Variants in MNX1 observed in about 807,000 individuals in gnomAD.
The protein encoded by MNX1 is motor neuron and pancreas homeobox protein 1.
A neutral mutation model predicts 17.3 loss-of-function variants in MNX1; 2 were observed. The observed-to-expected ratio is 0.12, with a 90% CI of 0.05 to 0.36. MNX1 has a LOEUF of 0.36. Among genes scored for constraint, MNX1 ranks in the 10% least tolerant of loss-of-function variants. MNX1 has a pLI of 1.00. For synonymous variants in MNX1, 306 were observed against 283.1 expected, an observed-to-expected ratio of 1.08 and a Z score of -0.81; for missense variants, 556 against 564.7, an observed-to-expected ratio of 0.98 and a Z score of 0.16.
chr7:157,009,692 C>T lies in MNX1; in HGVS notation c.659G>A (p.Gly220Asp), dbSNP rs780152258. The T allele has an allele frequency of 6.2e-7, 1 of 1,608,750 alleles. No homozygotes were observed. Among genetic ancestry groups the T allele is most frequent in the Non-Finnish European group, 8.5e-7 (1 of 1,178,972 alleles). ...LDQWLRASTA[G>D]MILPKMPDFN... ...GTCGGGCATCTTAGGCAGGATCATG[C>T]CCGCGGTGGACGCGCGCAGCCACTG... Residue 220 changes from glycine (G) to aspartate (D), a missense_variant, in exon 1 of 3, where the codon GGC becomes GAC. Physicochemically the swap from Gly to Asp is moderately conservative, Grantham distance 94 (BLOSUM62 -1). Around this residue, in one of 7 missense-constraint regions of MNX1, gnomAD observed 210 missense variants for 211.3 expected, o/e 0.99. Coordinates refer to ENST00000252971, the MANE Select transcript of MNX1 (RefSeq NM_005515.4).
At position 157,006,705 on chromosome 7, in the gene MNX1, T is replaced by C; in HGVS notation, c.692-66A>G. On this transcript the variant is annotated intron_variant, in intron 1 of 2. Coordinates refer to ENST00000252971, the MANE Select transcript of MNX1 (RefSeq NM_005515.4). The surrounding 1 kb of genome is among the most constrained non-coding windows in gnomAD (Gnocchi z 6.3). ...TCCTCGCCCCAGCCCCTCCCGTTGC[T>C]GCTTGTACCACTACACTCAAGGCCC... The C allele has an allele frequency of 6.7e-7, 1 of 1,489,568 alleles. No homozygotes were observed. The highest frequency in any genetic ancestry group is 9.0e-7 in the Non-Finnish European group (1 of 1,112,638). 92.3% of individuals were successfully genotyped at this position (1,489,568 alleles called of 1,614,324 possible). A position where few individuals can be genotyped will look rare whatever the true frequency, so the allele number is the denominator to read the frequency against.
At position 157,005,202 on chromosome 7, in the gene MNX1, C is replaced by G. The variant is rs1805567152; in HGVS notation, c.*318G>C. 1.7e-5 allele frequency: 4 copies of G among 240,304 alleles called. No individual in the cohort carries two copies. The South Asian group carries it at 7.1e-4, about 43-fold the overall frequency. 14.9% of individuals were successfully genotyped at this position (240,304 alleles called of 1,614,324 possible). A position where few individuals can be genotyped will look rare whatever the true frequency, so the allele number is the denominator to read the frequency against. ...TCCCCTTGCGCGGGGTGGGTCGGTT[C>G]TTCTCACACGCACTCGCGCCTCCCC... On this transcript the variant is annotated 3_prime_UTR_variant, in exon 3 of 3. Coordinates refer to ENST00000252971, the MANE Select transcript of MNX1 (RefSeq NM_005515.4).
chr7:157,010,072 C>A lies in MNX1; in HGVS notation c.279G>T (p.Lys93Asn). ...LLAAHCALLPKPGFLGAGGGG... is the reference protein window; with the variant it reads ...LLAAHCALLPNPGFLGAGGGG... ...CGCCGCCCGCGCCCAGGAAGCCCGG[C>A]TTGGGCAGCAGCGCGCAGTGCGCGG... The change falls in exon 1 of 3, where the codon AAG (lysine) becomes AAT (asparagine). Residue 93 changes from lysine (K) to asparagine (N), a missense_variant. Physicochemically the swap from Lys to Asn is moderately conservative, Grantham distance 94. Transcript: ENST00000252971. 1 of 996,490 alleles carries A rather than the reference C, an allele frequency of 1.0e-6. No homozygotes were observed. The allele number at this position is 996,490 out of a possible 1,614,324, so 61.7% of individuals were successfully genotyped here.
Position 157,005,395 on chromosome 7 carries a change from T to C in MNX1, c.*125A>G. On this transcript the variant is annotated 3_prime_UTR_variant, in exon 3 of 3. Coordinates refer to ENST00000252971, the MANE Select transcript of MNX1 (RefSeq NM_005515.4). Reference sequence around the variant, plus strand: ...CTCCAGCCCCGGCCTGGGCGAGGGGTCCATGGGGCGGCGGTCGAGCCTGCT... The same window carrying C: ...CTCCAGCCCCGGCCTGGGCGAGGGGCCCATGGGGCGGCGGTCGAGCCTGCT... 1.7e-6 allele frequency: 1 copy of C among 579,554 alleles called. No homozygotes were observed. Among genetic ancestry groups the C allele is most frequent in the South Asian group, 8.2e-5 (1 of 12,158 alleles). 35.9% of individuals were successfully genotyped at this position (579,554 alleles called of 1,614,324 possible). A position where few individuals can be genotyped will look rare whatever the true frequency, so the allele number is the denominator to read the frequency against.
At chr7:157,009,133 A>T (rs1315223208) in intron 1 of MNX1, 1 of 1,530,338 alleles carries the variant, frequency 6.5e-7, no homozygotes, top group African/African-American at 1.4e-5. Flanking sequence ...GCGCCCTGGT[A>T]AGAGCCGGGG....
intron 1 of MNX1, chr7:157,009,200 G>C: frequency 6.9e-7 from 1 of 1,457,470 alleles, no homozygotes; most frequent in Non-Finnish European, 9.0e-7. Flanking sequence ...TCTCTTGTTT[G>C]CTGCTCCTGA....
chr7:157,010,444 G>C lies in MNX1; in HGVS notation c.-94C>G. 2.3e-6 allele frequency: 2 copies of C among 884,938 alleles called. No homozygotes were observed. Among genetic ancestry groups the C allele is most frequent in the Admixed American group, 5.9e-5 (2 of 33,948 alleles). The allele number at this position is 884,938 out of a possible 1,614,324, so 54.8% of individuals were successfully genotyped here. The stretch of plus-strand genomic sequence containing the variant: ...CAGTGCGTGCGGTGCAAGCCCGGGG[G>C]CTCGGTATTGTTATGGTGGTTATTT... On this transcript the variant is annotated 5_prime_UTR_variant, in exon 1 of 3. Transcript: ENST00000252971.
chr7:157,005,926 T>C, intron 2 of MNX1, 53 bp from the exon 3 acceptor site: 1 of 1,599,518 alleles, frequency 6.3e-7, no homozygotes, highest in Non-Finnish European at 8.5e-7. Context: ...CAGGGCTTCC[T>C]GTCCCCGGAG....
In MNX1 at chr7:157,006,403, C is replaced by T; in HGVS notation, c.852+76G>A. ...GCGCAGCGCTAGATGCCTCAGACCG[C>T]CCGTGGGTCACAAGTGCAAAGGTAA... On this transcript the variant is annotated intron_variant, in intron 2 of 2. Transcript: ENST00000252971. This position sits in a 1 kb window ranked among gnomAD's most constrained non-coding sequence, Gnocchi z 6.3. 2 of 1,512,304 alleles carry T rather than the reference C, an allele frequency of 1.3e-6. No individual in the cohort carries two copies. The highest frequency in any genetic ancestry group is 1.8e-6 in the Non-Finnish European group (2 of 1,119,918). The allele number at this position is 1,512,304 out of a possible 1,614,324, so 93.7% of individuals were successfully genotyped here.
intron 1 of MNX1, chr7:157,008,835 A>G: frequency 1.5e-6 from 1 of 681,032 alleles, no homozygotes; most frequent in South Asian, 1.9e-5. Flanking sequence ...AGAGCCCCGG[A>G]GCCCCAGCCC....
chr7:157,008,992 C>T lies in MNX1; in HGVS notation c.691+668G>A, dbSNP rs146062190. 3.1e-4 allele frequency: 472 copies of T among 1,537,092 alleles called. 3 individuals are homozygous for T. In the African/African-American group the frequency reaches 5.5e-3, roughly 18 times the overall value. Reference sequence around the variant, plus strand: ...CTCGGCCCCACCTTGGAGGGGCATTCGTTACCTTGTTGGGCGCCCAGGATT... The same window carrying T: ...CTCGGCCCCACCTTGGAGGGGCATTTGTTACCTTGTTGGGCGCCCAGGATT... On this transcript the variant is annotated intron_variant, in intron 1 of 2. Coordinates refer to ENST00000252971, the MANE Select transcript of MNX1 (RefSeq NM_005515.4).
rs543787455 is a variant in MNX1, at chr7:157,006,299, T to G, written c.852+180A>C. On this transcript the variant is annotated intron_variant, in intron 2 of 2. Coordinates refer to ENST00000252971, the MANE Select transcript of MNX1 (RefSeq NM_005515.4). This position sits in a 1 kb window ranked among gnomAD's most constrained non-coding sequence, Gnocchi z 6.3. Reference sequence around the variant, plus strand: ...GGAGGGGTGGTTAAGTGCTGATTCTTGGGCCCCACCCGAAGCTACTGAATC... The same window carrying G: ...GGAGGGGTGGTTAAGTGCTGATTCTGGGGCCCCACCCGAAGCTACTGAATC... 3.1e-6 allele frequency: 2 copies of G among 641,102 alleles called. No individual in the cohort carries two copies. Among genetic ancestry groups the G allele is most frequent in the African/African-American group, 3.7e-5 (2 of 54,678 alleles). The allele number at this position is 641,102 out of a possible 1,614,324, so 39.7% of individuals were successfully genotyped here. A position where few individuals can be genotyped will look rare whatever the true frequency, so the allele number is the denominator to read the frequency against.
chr7:157,010,153 C>T lies in MNX1; in HGVS notation c.198G>A (p.Pro66=). The T allele has an allele frequency of 9.1e-7, 1 of 1,095,502 alleles. No individual in the cohort carries two copies. The highest frequency in any genetic ancestry group is 4.4e-5 in the South Asian group (1 of 22,980). The allele number at this position is 1,095,502 out of a possible 1,614,324, so 67.9% of individuals were successfully genotyped here. ...GSCSPASSEP[P]AAPADRLRAE... ...CGCGCAGGCGGTCGGCGGGCGCAGC[C>T]GGCGGCTCCGAGGACGCGGGGCTGC... The change falls in exon 1 of 3, where the codon CCG becomes CCA. Residue 66 remains proline, a synonymous_variant. Transcript: ENST00000252971.
Position 157,005,670 on chromosome 7 carries a change from C to T in MNX1, c.1056G>A (p.Arg352=), listed in dbSNP as rs1805581681. The change falls in exon 3 of 3, where the codon AGG becomes AGA. Residue 352 remains arginine (R), a synonymous_variant. Coordinates refer to ENST00000252971, the MANE Select transcript of MNX1 (RefSeq NM_005515.4). ...KGSGRRLRDL[R]DSDPEEDEDE... is the part of the protein sequence containing the mutation. ...CCTCGTCCTCCTCGGGGTCACTGTC[C>T]CTCAAGTCCCGCAGGCGGCGTCCGC... 2 of 1,610,806 alleles carry T rather than the reference C, an allele frequency of 1.2e-6. No individual in the cohort carries two copies. Among genetic ancestry groups the T allele is most frequent in the Admixed American group, 1.7e-5 (1 of 59,958 alleles).
chr7:157,006,623 G>C lies in MNX1; in HGVS notation c.708C>G (p.Asn236Lys). ...MPDFNSQAQSNLLGKCRRPRT... is the reference protein window; with the variant it reads ...MPDFNSQAQSKLLGKCRRPRT... ...GCGGCCGGCGGCACTTCCCCAGGAG[G>C]TTCGACTGCGCCTGGGCTGGGGACC... The change falls in exon 2 of 3, where the codon AAC (asparagine) becomes AAG (lysine). Residue 236 changes from asparagine (N) to lysine (K), a missense_variant. Asn to Lys is a moderately conservative substitution (Grantham distance 94). This residue lies in a region of MNX1 where 210 missense variants were observed against 211.3 expected (regional missense o/e 0.99). Coordinates refer to ENST00000252971, the MANE Select transcript of MNX1 (RefSeq NM_005515.4). This position sits in a 1 kb window ranked among gnomAD's most constrained non-coding sequence, Gnocchi z 6.3. The C allele has an allele frequency of 1.3e-6, 2 of 1,597,254 alleles. No homozygotes were observed. The highest frequency in any genetic ancestry group is 1.7e-6 in the Non-Finnish European group (2 of 1,173,598).
chr7:157,005,034 C>T lies in MNX1; in HGVS notation c.*486G>A, dbSNP rs1161724325. 8.9e-6 allele frequency: 2 copies of T among 224,520 alleles called. No individual in the cohort carries two copies. Among genetic ancestry groups the T allele is most frequent in the Non-Finnish European group, 1.8e-5 (2 of 112,632 alleles). The allele number at this position is 224,520 out of a possible 1,614,324, so 13.9% of individuals were successfully genotyped here. ...GCTCGTGACATAATCCCCCCGACCC[C>T]AGAGACGTAAGCATAAACCCTTTTT... On this transcript the variant is annotated 3_prime_UTR_variant, in exon 3 of 3. Transcript: ENST00000252971.
Position 157,005,878 on chromosome 7 carries a change from G to A in MNX1, c.853-5C>T. The A allele has an allele frequency of 1.9e-6, 3 of 1,610,692 alleles. No individual in the cohort carries two copies. Among genetic ancestry groups the A allele is most frequent in the South Asian group, 1.1e-5 (1 of 91,082 alleles). On this transcript the variant is annotated splice_polypyrimidine_tract_variant and splice_region_variant and intron_variant, in intron 2 of 2. Coordinates refer to ENST00000252971, the MANE Select transcript of MNX1 (RefSeq NM_005515.4). ...GTTCTGGAACCAAATCTTCACCTGC[G>A]GGCACAAGCGGGCGTGAGAAACCGG...
At chr7:157,009,313 G>C (rs768160409) in intron 1 of MNX1, 13 of 1,413,414 alleles carry the variant, frequency 9.2e-6, no homozygotes, top group Admixed American at 8.9e-5. Flanking sequence ...CCCCATTCCC[G>C]GGCCTGCCTA....
chr7:157,006,482 G>A lies in MNX1; in HGVS notation c.849C>T (p.Thr283=). ...EVATSLMLTE[T]QVKIWFQNRR... is the part of the protein sequence containing the mutation. ...CGGGGGCGGGGAGGGCGCGCACCTG[G>A]GTCTCGGTGAGCATGAGCGAGGTGG... is the stretch of plus-strand genomic sequence containing the variant. The change falls in exon 2 of 3, where the codon ACC becomes ACT. Residue 283 remains threonine (T), a synonymous_variant. Transcript: ENST00000252971. This position sits in a 1 kb window ranked among gnomAD's most constrained non-coding sequence, Gnocchi z 6.3. 6.2e-7 allele frequency: 1 copy of A among 1,610,288 alleles called. No individual in the cohort carries two copies. The highest frequency in any genetic ancestry group is 8.5e-7 in the Non-Finnish European group (1 of 1,179,148).
Sources: gnomAD v4.1 joint callset for allele counts on GRCh38, gnomAD v4.1.1 for gene constraint, gnomAD v4.1.1 regional missense constraint, Gnocchi (gnomAD v3.1) non-coding constraint, MANE v1.5 for transcripts, NCBI Gene and HGNC (gene_info 2026-07-23, HGNC 2026-07-21) for gene names.